DOCK7: variants seen among roughly 807,000 people sequenced by gnomAD.
DOCK7 encodes dedicator of cytokinesis 7.
DOCK7 carries 138 observed loss-of-function variants against 271.0 expected under a neutral mutation model. The observed-to-expected ratio is 0.51, with a 90% CI of 0.44 to 0.59. The LOEUF is 0.59. Among genes scored for constraint, DOCK7 ranks in the 20% least tolerant of loss-of-function variants. The probability of loss-of-function intolerance (pLI) is 0.00; values close to 1 mark genes in which losing one functional copy is unlikely to be tolerated. For synonymous variants in DOCK7, 823 were observed against 876.1 expected, an observed-to-expected ratio of 0.94 and a Z score of 1.07; for missense variants, 2,066 against 2,592.4, an observed-to-expected ratio of 0.80 and a Z score of 4.41.
At chr1:62,641,239 TTTC>T in intron 7 of DOCK7, 1 of 407,556 alleles carries the variant, frequency 2.5e-6, no homozygotes, top group Non-Finnish European at 4.8e-6. Context: ...GGATCTTAGC[TTTC>T]TTCTTTCTCT....
chr1:62,638,682 G>T (rs902394800), intron 7 of DOCK7, among the ~76,000 whole-genome samples: 1 of 139,462 alleles, frequency 7.2e-6, no homozygotes, highest in Non-Finnish European at 1.5e-5. Context: ...TATATATATA[G>T]ATATGAAAAT....
chr1:62,590,802 A>C (rs975293110), intron 14 of DOCK7, among the ~76,000 whole-genome samples: 8 of 152,116 alleles, frequency 5.3e-5, no homozygotes, highest in Non-Finnish European at 1.0e-4. Context: ...ACCATCTCAC[A>C]CCAGTCAGAA....
rs768300646 is a variant in DOCK7, at chr1:62,455,004, G to A, written c.*410C>T. On this transcript the variant is annotated 3_prime_UTR_variant, in exon 50 of 50. Coordinates refer to ENST00000635253, the MANE Select transcript of DOCK7 (RefSeq NM_001367561.1). ...TAATAAAAATTTTGAAGTCCCACTC[G>A]GTAAAATTAGTGTAAACATTCACAT... The A allele has an allele frequency of 3.4e-5, 13 of 385,634 alleles. No homozygotes were observed. The highest frequency in any genetic ancestry group is 4.6e-5 in the Non-Finnish European group (10 of 217,510). The allele number at this position is 385,634 out of a possible 1,614,324, so 23.9% of individuals were successfully genotyped here. A position where few individuals can be genotyped will look rare whatever the true frequency, so the allele number is the denominator to read the frequency against.
chr1:62,547,130 ATC>A (rs1337054394), intron 22 of DOCK7, among the ~76,000 whole-genome samples: 1 of 152,168 alleles, frequency 6.6e-6, no homozygotes, highest in African/African-American at 2.4e-5. Flanking sequence ...GAATAAAAAA[ATC>A]TCTTTGTGCT....
chr1:62,625,651 G>C (rs746468748), intron 11 of DOCK7, among the ~76,000 whole-genome samples: 5 of 152,160 alleles, frequency 3.3e-5, no homozygotes, highest in Non-Finnish European at 7.4e-5. Flanking sequence ...GACCAATGAT[G>C]AGCCACAAAG....
At position 62,559,213 on chromosome 1, in the gene DOCK7, T is replaced by C. The variant is rs977698754; in HGVS notation, c.2207A>G (p.Tyr736Cys). The change falls in exon 20 of 50, where the codon TAT becomes TGT. Residue 736 changes from tyrosine (Y) to cysteine (C), a missense_variant. This residue lies in a region of DOCK7 where 1,414 missense variants were observed against 1,670.4 expected (regional missense o/e 0.85). Transcript: ENST00000635253. ...GACCAGAGCAAAAAATTTGTCAAGATAAGGATCCTAAAACAAAGAATAAAC... is the reference window on the plus strand; with the variant it reads ...GACCAGAGCAAAAAATTTGTCAAGACAAGGATCCTAAAACAAAGAATAAAC... ...AVSSIHTQDP[Y>C]LDKFFALVNA... 99 of 1,611,652 alleles carry C rather than the reference T, an allele frequency of 6.1e-5. No individual in the cohort carries two copies. The highest frequency in any genetic ancestry group is 7.8e-5 in the Non-Finnish European group (92 of 1,178,416).
At chr1:62,589,384 A>G (rs144187435) in intron 14 of DOCK7, among the ~76,000 whole-genome samples, 121 of 152,250 alleles carry the variant, frequency 7.9e-4, no homozygotes, top group African/African-American at 2.8e-3. Context: ...TCTTTGGCAA[A>G]TGAAAAAAAC....
rs182050913 is a variant in DOCK7, at chr1:62,523,828, T to C, written c.3936+4323A>G. 3.2e-3 allele frequency among the ~76,000 whole-genome samples: 490 copies of C among 152,026 alleles called. 4 individuals carry two copies. Among genetic ancestry groups the C allele is most frequent in the African/African-American group, 0.011 (472 of 41,470 alleles). ...CTTGCAGTGAGCCGAGATTGTGCCA[T>C]TGCACTCCAGCCTGGGTGACAGAGC... On this transcript the variant is annotated intron_variant, in intron 31 of 49. Coordinates refer to ENST00000635253, the MANE Select transcript of DOCK7 (RefSeq NM_001367561.1).
At chr1:62,475,601 G>A (rs1471196277) in intron 46 of DOCK7, 106 bp downstream of exon 46, 13 of 1,165,384 alleles carry the variant, frequency 1.1e-5, no homozygotes, top group African/African-American at 1.5e-5. Context: ...GTTCTAATAT[G>A]TTATGGTATA....
At chr1:62,504,958 C>T (rs2149321452) in intron 36 of DOCK7, among the ~76,000 whole-genome samples, 176 bp from the exon 37 acceptor site, 1 of 152,256 alleles carries the variant, frequency 6.6e-6, no homozygotes, top group East Asian at 1.9e-4. Flanking sequence ...GGTTCGAATG[C>T]TCATTATTCC....
intron 48 of DOCK7, 191 bp from the exon 49 acceptor site, chr1:62,457,896 T>C: frequency 1.9e-6 from 1 of 531,158 alleles, no homozygotes; most frequent in Non-Finnish European, 3.3e-6. Context: ...ATGGCTGTAA[T>C]CCCAGCACTT....
chr1:62,543,827 G>A (rs1645614209), intron 23 of DOCK7, 82 bp from the exon 24 acceptor site: 1 of 935,766 alleles, frequency 1.1e-6, no homozygotes, highest in Non-Finnish European at 1.6e-6. Context: ...TTATGTACAA[G>A]TTTAAAACAG....
intron 14 of DOCK7, chr1:62,602,505 TTTA>T: frequency 2.6e-6 from 2 of 781,584 alleles, no homozygotes. Flanking sequence ...CTTCATATAA[TTTA>T]TTATCAAACA....
At chr1:62,623,094 A>C (rs1653493172) in intron 12 of DOCK7, among the ~76,000 whole-genome samples, 1 of 152,160 alleles carries the variant, frequency 6.6e-6, no homozygotes, top group African/African-American at 2.4e-5. Flanking sequence ...AAATCTGTAC[A>C]TAAACACTAA....
intron 48 of DOCK7, among the ~76,000 whole-genome samples, chr1:62,460,664 CT>C (rs1256350701): frequency 8.2e-5 from 12 of 146,356 alleles, no homozygotes; most frequent in Non-Finnish European, 7.6e-5. Context: ...TTCTTTTTTT[CT>C]TTTTTTTTTG....
chr1:62,477,908 CAT>C, intron 43 of DOCK7, 83 bp from the exon 44 acceptor site: 1 of 1,401,050 alleles, frequency 7.1e-7, no homozygotes, highest in East Asian at 2.5e-5. Context: ...ATTGTTACAG[CAT>C]AAAATTTCCA....
chr1:62,648,227 T>C lies in DOCK7; in HGVS notation c.611A>G (p.Asp204Gly), dbSNP rs772527131. The change falls in exon 6 of 50, where the codon GAT becomes GGT. Residue 204 changes from aspartate (D) to glycine (G), a missense_variant. Physicochemically the swap from Asp to Gly is moderately conservative, Grantham distance 94 (BLOSUM62 -1). Coordinates refer to ENST00000635253, the MANE Select transcript of DOCK7 (RefSeq NM_001367561.1). ...ATCAAGTAAATTGGGAAGCAAAGCA[T>C]CAGGAAGTGAATTTTTCAAGTCAAA... ...SIFDLKNSLPDALLPNLLDRT... is the reference protein window; with the variant it reads ...SIFDLKNSLPGALLPNLLDRT... The C allele has an allele frequency of 6.2e-7, 1 of 1,613,670 alleles. No homozygotes were observed. The highest frequency in any genetic ancestry group is 1.1e-5 in the South Asian group (1 of 91,070).
At chr1:62,578,736 A>AAAC in intron 17 of DOCK7, 92 bp downstream of exon 17, 1 of 1,039,166 alleles carries the variant, frequency 9.6e-7, no homozygotes, top group South Asian at 1.8e-5. Context: ...AAAAAAAAAA[A>AAAC]AAACCCACAA....
At chr1:62,521,715 C>T (rs948888995) in intron 31 of DOCK7, among the ~76,000 whole-genome samples, 1 of 152,206 alleles carries the variant, frequency 6.6e-6, no homozygotes, top group Non-Finnish European at 1.5e-5. Context: ...GTGGTTCACA[C>T]CTGTAATCCC....
Sources: allele counts gnomAD v4.1 joint callset (sites outside exome capture counted in the v4.1 genomes callset), GRCh38; gene constraint gnomAD v4.1.1; regional missense constraint gnomAD v4.1.1; transcripts MANE v1.5; gene names NCBI Gene and HGNC (gene_info 2026-07-23, HGNC 2026-07-21).